The following PAPPA2 variants were observed in gnomAD, a reference collection of about 807,000 sequenced individuals.
PAPPA2 encodes the protein pappalysin 2.
A neutral mutation model predicts 176.4 loss-of-function variants in PAPPA2; 86 were observed. The ratio of observed to expected loss-of-function variants is 0.49; its 90% CI spans 0.41 to 0.58. The LOEUF (loss-of-function observed/expected upper bound fraction) is 0.58, where lower values mean the gene tolerates loss of function less well. Ranked by LOEUF, PAPPA2 falls within the 20% of genes least tolerant of loss-of-function variation. The pLI, the probability that PAPPA2 is intolerant of heterozygous loss-of-function variation, is 0.00. For missense variants in PAPPA2, 2,073 were observed against 2,256.9 expected, an observed-to-expected ratio of 0.92 and a Z score of 1.65; for synonymous variants, 809 against 852.2, an observed-to-expected ratio of 0.95 and a Z score of 0.88.
chr1:176,497,446 G>A (rs1015396216), intron 1 of PAPPA2, among the ~76,000 whole-genome samples: 3 of 152,078 alleles, frequency 2.0e-5, no homozygotes, highest in Admixed American at 6.6e-5. Flanking sequence ...TGAAAAACTC[G>A]ACTCTTAAGA....
At chr1:176,654,399 T>A (rs1303130478) in intron 3 of PAPPA2, among the ~76,000 whole-genome samples, 1 of 150,594 alleles carries the variant, frequency 6.6e-6, no homozygotes, top group Non-Finnish European at 1.5e-5. Flanking sequence ...TTCTATTCTG[T>A]CCCATTGATA....
chr1:176,520,360 G>A (rs1370132953), intron 1 of PAPPA2, among the ~76,000 whole-genome samples: 1 of 152,144 alleles, frequency 6.6e-6, no homozygotes, highest in Non-Finnish European at 1.5e-5. Context: ...ATTCAGTTGG[G>A]TTTGGAAACC....
rs1660523737 is a variant in PAPPA2 at position 176,699,148 on chromosome 1, G to T, written c.2795G>T (p.Ser932Ile). 6.2e-7 allele frequency: 1 copy of T among 1,613,914 alleles called. No homozygotes were observed. Among genetic ancestry groups the T allele is most frequent in the African/African-American group, 1.3e-5 (1 of 74,910 alleles). Residue 932 changes from serine to isoleucine, a missense_variant, in exon 8 of 23, where the codon AGC (serine) becomes ATC (isoleucine). Ser to Ile is a moderately radical substitution (Grantham distance 142). Transcript: ENST00000367662. ...QPCEPSLQAW[S>I]PEVHLYHMNM... is the part of the protein sequence containing the mutation. The stretch of plus-strand genomic sequence containing the variant: ...TGCGAGCCAAGCTTACAGGCCTGGA[G>T]CCCTGAGGTCCACCTGTACCACATG...
At chr1:176,623,404 C>T (rs1292419475) in intron 3 of PAPPA2, among the ~76,000 whole-genome samples, 1 of 152,090 alleles carries the variant, frequency 6.6e-6, no homozygotes, top group Non-Finnish European at 1.5e-5. Context: ...TTCTGAAAGT[C>T]AGGAGGCCAT....
At chr1:176,503,934 T>A (rs1259416852) in intron 1 of PAPPA2, among the ~76,000 whole-genome samples, 1 of 152,108 alleles carries the variant, frequency 6.6e-6, no homozygotes, top group Non-Finnish European at 1.5e-5. Context: ...GAAATAAACA[T>A]CTCTACAGAA....
At chr1:176,762,251 CT>C (rs71565480) in intron 14 of PAPPA2, among the ~76,000 whole-genome samples, 2,615 of 137,276 alleles carry the variant, frequency 0.019, 21 homozygotes, top group Admixed American at 0.03. Context: ...GGGTTTGGTC[CT>C]TTTTTTTTTT....
At chr1:176,671,617 A>G (rs559492889) in intron 4 of PAPPA2, among the ~76,000 whole-genome samples, 3 of 152,158 alleles carry the variant, frequency 2.0e-5, no homozygotes, top group Non-Finnish European at 4.4e-5. Flanking sequence ...TGAACACTTA[A>G]GAAAGACAAT....
intron 21 of PAPPA2, among the ~76,000 whole-genome samples, chr1:176,822,915 G>A (rs12127712): frequency 0.062 from 9,492 of 152,062 alleles, 367 homozygotes; most frequent in Non-Finnish European, 0.087. Context: ...ATCTCTTCTC[G>A]CAGTACCTTA....
chr1:176,666,591 G>A (rs1658658019), intron 3 of PAPPA2, among the ~76,000 whole-genome samples: 1 of 149,798 alleles, frequency 6.7e-6, no homozygotes, highest in Non-Finnish European at 1.5e-5. Context: ...GTGTGTGTGT[G>A]TGTGTGTGTG....
chr1:176,681,104 G>C (rs772912094), intron 4 of PAPPA2, among the ~76,000 whole-genome samples: 5 of 152,006 alleles, frequency 3.3e-5, no homozygotes, highest in African/African-American at 4.8e-5. Flanking sequence ...TAGGTATCAG[G>C]GGGTGTATTG....
intron 21 of PAPPA2, among the ~76,000 whole-genome samples, chr1:176,839,742 C>T (rs930128512): frequency 2.6e-5 from 4 of 152,140 alleles, no homozygotes; most frequent in African/African-American, 9.7e-5. Flanking sequence ...CTGGGCAATT[C>T]TTATCATCTC....
In PAPPA2 at chr1:176,789,889, C is replaced by A; in HGVS notation, c.4796C>A (p.Pro1599His). The A allele has an allele frequency of 6.2e-7, 1 of 1,614,160 alleles. No individual in the cohort carries two copies. The highest frequency in any genetic ancestry group is 8.5e-7 in the Non-Finnish European group (1 of 1,180,004). Residue 1599 changes from proline to histidine, a missense_variant, in exon 18 of 23, where the codon CCT (proline) becomes CAT (histidine). Pro to His is a moderately conservative substitution (Grantham distance 77, BLOSUM62 -2). Coordinates refer to ENST00000367662, the MANE Select transcript of PAPPA2 (RefSeq NM_020318.3). Reference protein sequence around the residue: ...SCIPVVCEPPPPVFEGMYECT... With the variant: ...SCIPVVCEPPHPVFEGMYECT... ...ATTCCTGTGGTGTGTGAGCCACCCC[C>A]TCCTGTGTTTGAAGGCATGTATGAA...
intron 12 of PAPPA2, among the ~76,000 whole-genome samples, chr1:176,724,649 A>G (rs1661780997): frequency 2.0e-5 from 3 of 152,188 alleles, no homozygotes; most frequent in South Asian, 4.1e-4. Context: ...CCCAAAGCCT[A>G]TTAACCATAA....
chr1:176,738,972 C>G (rs367669999), intron 12 of PAPPA2, among the ~76,000 whole-genome samples: 2 of 152,150 alleles, frequency 1.3e-5, no homozygotes, highest in African/African-American at 4.8e-5. Flanking sequence ...TCCTGTGTCC[C>G]ATTGTTGGCT....
At position 176,842,995 on chromosome 1, in the gene PAPPA2, A is replaced by C. The variant is rs1303378219; in HGVS notation, c.*541A>C. 1.3e-5 allele frequency: 2 copies of C among 149,524 alleles called. No individual in the cohort carries two copies. The highest frequency in any genetic ancestry group is 4.9e-5 in the African/African-American group (2 of 41,020). The allele number at this position is 149,524 out of a possible 1,614,324, so 9.3% of individuals were successfully genotyped here. On this transcript the variant is annotated 3_prime_UTR_variant, in exon 23 of 23. Coordinates refer to ENST00000367662, the MANE Select transcript of PAPPA2 (RefSeq NM_020318.3). ...AATTCTTTATAAGTATTTAAACATAATTATATAAATATATTATATATATTA... is the reference window on the plus strand; with the variant it reads ...AATTCTTTATAAGTATTTAAACATACTTATATAAATATATTATATATATTA...
intron 1 of PAPPA2, among the ~76,000 whole-genome samples, chr1:176,534,634 A>T (rs531398581): frequency 1.4e-4 from 21 of 152,316 alleles, no homozygotes; most frequent in Admixed American, 6.5e-4. Flanking sequence ...TATCAACATG[A>T]GCTGTGGCTA....
At position 176,692,296 on chromosome 1, in the gene PAPPA2, A is replaced by G. The variant is rs772935524; in HGVS notation, c.2602A>G (p.Ile868Val). 6.8e-5 allele frequency: 110 copies of G among 1,613,200 alleles called. No individual in the cohort carries two copies. Among genetic ancestry groups the G allele is most frequent in the Non-Finnish European group, 8.7e-5 (103 of 1,179,482 alleles). ...CCTCACTATCCACTGGCTGCCTCCT[A>G]TTAGTGGAGTTGTATATGACAGGTG... ...KSLTIHWLPP[I>V]SGVVYDRASG... The change falls in exon 6 of 23, where the codon ATT (isoleucine) becomes GTT (valine). Residue 868 changes from isoleucine (I) to valine (V), a missense_variant. Physicochemically the swap from Ile to Val is conservative, Grantham distance 29. Coordinates refer to ENST00000367662, the MANE Select transcript of PAPPA2 (RefSeq NM_020318.3).
intron 21 of PAPPA2, among the ~76,000 whole-genome samples, chr1:176,806,080 T>C (rs1435908627): frequency 6.6e-6 from 1 of 151,764 alleles, no homozygotes; most frequent in Non-Finnish European, 1.5e-5. Flanking sequence ...CAAGTATCCA[T>C]GGTTAATTGA....
At chr1:176,490,299 A>G (rs1652836110) in intron 1 of PAPPA2, among the ~76,000 whole-genome samples, 1 of 152,194 alleles carries the variant, frequency 6.6e-6, no homozygotes, top group South Asian at 2.1e-4. Context: ...AGGGGAATTT[A>G]ATAAAAACAA....
Sources: gnomAD v4.1 joint callset for allele counts (sites outside exome capture counted in the v4.1 genomes callset) on GRCh38, gnomAD v4.1.1 for gene constraint, MANE v1.5 for transcripts, NCBI Gene and HGNC (gene_info 2026-07-23, HGNC 2026-07-21) for gene names.